Variants in SGCZ observed in about 807,000 individuals in gnomAD.
SGCZ encodes the protein sarcoglycan zeta, also known as zeta-sarcoglycan.
In SGCZ, 40 loss-of-function variants were observed where a neutral mutation model predicts 41.3. The ratio of observed to expected loss-of-function variants is 0.97; its 90% confidence interval spans 0.75 to 1.26. The LOEUF (loss-of-function observed/expected upper bound fraction) is 1.26, where lower values mean the gene tolerates loss of function less well. SGCZ is among the 50% of genes most tolerant of loss of function. The pLI, the probability that SGCZ is intolerant of heterozygous loss-of-function variation, is 0.00. For synonymous variants in SGCZ, 206 were observed against 137.5 expected, an observed-to-expected ratio of 1.50 and a Z score of -3.49; for missense variants, 552 against 369.8, an observed-to-expected ratio of 1.49 and a Z score of -4.04.
At chr8:14,561,043 CT>C (rs549489007) in intron 1 of SGCZ, among the ~76,000 whole-genome samples, 6 of 151,982 alleles carry the variant, frequency 3.9e-5, no homozygotes, top group African/African-American at 7.2e-5. Context: ...TTAAAAGTTC[CT>C]TTTTTTGTTG....
intron 5 of SGCZ, among the ~76,000 whole-genome samples, chr8:14,110,046 G>A (rs1320510282): frequency 6.6e-6 from 1 of 151,936 alleles, no homozygotes; most frequent in African/African-American, 2.4e-5. Flanking sequence ...TATTTAAGCG[G>A]TTTATTCTTT....
At chr8:14,113,470 G>A (rs781743266) in intron 5 of SGCZ, among the ~76,000 whole-genome samples, 1 of 151,926 alleles carries the variant, frequency 6.6e-6, no homozygotes, top group South Asian at 2.1e-4. Flanking sequence ...GTATTCTTGC[G>A]CACCACATGA....
intron 1 of SGCZ, among the ~76,000 whole-genome samples, chr8:14,800,742 G>A (rs1195832944): frequency 6.6e-6 from 1 of 152,096 alleles, no homozygotes; most frequent in Non-Finnish European, 1.5e-5. Flanking sequence ...ATGGAGGAGT[G>A]AGTCAATTAA....
chr8:15,111,775 C>G (rs1807068411), intron 1 of SGCZ, among the ~76,000 whole-genome samples: 2 of 152,120 alleles, frequency 1.3e-5, no homozygotes, highest in Middle Eastern at 3.4e-3. Flanking sequence ...TGGCGCGTGT[C>G]TGTAATCCCA....
At chr8:14,737,369 T>A (rs541935735) in intron 1 of SGCZ, among the ~76,000 whole-genome samples, 1 of 152,186 alleles carries the variant, frequency 6.6e-6, no homozygotes, top group South Asian at 2.1e-4. Context: ...AGCAAGCTAA[T>A]GTGACCCATT....
intron 2 of SGCZ, among the ~76,000 whole-genome samples, chr8:14,356,908 G>C (rs1413144239): frequency 6.6e-6 from 1 of 151,910 alleles, no homozygotes; most frequent in Admixed American, 6.6e-5. Flanking sequence ...TTTAGAATAA[G>C]TATTATAATT....
chr8:14,241,313 T>G (rs1351071), intron 3 of SGCZ, among the ~76,000 whole-genome samples: 145,636 of 151,440 alleles, frequency 0.96, 70,067 homozygotes, highest in East Asian at 0.98. Flanking sequence ...ATCTATTTTG[T>G]TGATATTTTC....
chr8:14,322,872 A>G (rs1315548111), intron 3 of SGCZ, among the ~76,000 whole-genome samples: 2 of 152,186 alleles, frequency 1.3e-5, no homozygotes, highest in Non-Finnish European at 2.9e-5. Context: ...AAAGTAAGAC[A>G]CTAACATGTG....
chr8:14,532,790 G>T (rs924010624), intron 2 of SGCZ, among the ~76,000 whole-genome samples: 1 of 151,356 alleles, frequency 6.6e-6, no homozygotes, highest in African/African-American at 2.4e-5. Context: ...CACTTAAATT[G>T]ACTACAAAAA....
At chr8:15,174,478 G>C (rs986195889) in intron 1 of SGCZ, among the ~76,000 whole-genome samples, 2 of 152,090 alleles carry the variant, frequency 1.3e-5, no homozygotes, top group Non-Finnish European at 2.9e-5. Flanking sequence ...AAACTAAGCA[G>C]CTGTGGTAAG....
intron 2 of SGCZ, among the ~76,000 whole-genome samples, chr8:14,341,288 G>A (rs1235129224): frequency 2.6e-5 from 4 of 152,122 alleles, no homozygotes; most frequent in Admixed American, 6.6e-5. Context: ...GTATATATCC[G>A]AAAGCAGATT....
chr8:14,603,110 C>T (rs1360244691), intron 1 of SGCZ, among the ~76,000 whole-genome samples: 1 of 152,100 alleles, frequency 6.6e-6, no homozygotes, highest in Non-Finnish European at 1.5e-5. Flanking sequence ...AGCTAGGTGG[C>T]CTGGGAGTGC....
chr8:15,008,737 G>C (rs1251311499), intron 1 of SGCZ, among the ~76,000 whole-genome samples: 1 of 58,938 alleles, frequency 1.7e-5, no homozygotes, highest in Non-Finnish European at 3.3e-5. Context: ...GGGGGGAGGA[G>C]GGAGGGGAAG....
intron 2 of SGCZ, among the ~76,000 whole-genome samples, chr8:14,393,898 G>C (rs1056653701): frequency 1.3e-5 from 2 of 152,052 alleles, no homozygotes; most frequent in African/African-American, 4.8e-5. Context: ...ATTTTCTATT[G>C]CCACCTTTCC....
chr8:14,708,388 C>T (rs1031325326), intron 1 of SGCZ, among the ~76,000 whole-genome samples: 33 of 151,222 alleles, frequency 2.2e-4, no homozygotes, highest in South Asian at 1.5e-3. Flanking sequence ...AAAACCAATC[C>T]CAGATGAATA....
intron 1 of SGCZ, among the ~76,000 whole-genome samples, chr8:14,694,307 C>G (rs771194011): frequency 3.3e-5 from 5 of 152,156 alleles, no homozygotes; most frequent in Non-Finnish European, 7.4e-5. Flanking sequence ...CAAAAGTGCT[C>G]TTTGAAATGT....
At position 14,138,423 on chromosome 8, in the gene SGCZ, G is replaced by A. The variant is rs992049726; in HGVS notation, c.547+26157C>T. Among the ~76,000 whole-genome samples, 4 of 151,904 alleles carry A rather than the reference G, an allele frequency of 2.6e-5. No homozygotes were observed. The South Asian group carries it at 8.3e-4, about 32-fold the overall frequency. ...ATAAAGAGTCAAGACCCATCAGTGT[G>A]CTGTATTCAGGAGATCCATCTCACG... On this transcript the variant is annotated intron_variant, in intron 5 of 7. Coordinates refer to ENST00000382080, the MANE Select transcript of SGCZ (RefSeq NM_139167.4).
chr8:14,896,323 C>T (rs1805197218), intron 1 of SGCZ, among the ~76,000 whole-genome samples: 3 of 152,052 alleles, frequency 2.0e-5, no homozygotes. Context: ...TCTCTCTTAC[C>T]CTCAAATATG....
At chr8:14,581,176 C>T (rs924772452) in intron 1 of SGCZ, among the ~76,000 whole-genome samples, 2 of 152,204 alleles carry the variant, frequency 1.3e-5, no homozygotes, top group Admixed American at 1.3e-4. Context: ...GGTGCGATCT[C>T]GGCTCACTTG....
Sources: allele counts gnomAD v4.1 joint callset (sites outside exome capture counted in the v4.1 genomes callset), GRCh38; gene constraint gnomAD v4.1.1; transcripts MANE v1.5; gene names NCBI Gene and HGNC (gene_info 2026-07-23, HGNC 2026-07-21).